RAB30: variants seen among roughly 807,000 people sequenced by gnomAD.
RAB30 encodes RAB30, member RAS oncogene family.
RAB30 carries 9 observed loss-of-function variants against 25.1 expected under a neutral mutation model. That is an observed-to-expected ratio of 0.36 (90% CI 0.22 to 0.63). The LOEUF (loss-of-function observed/expected upper bound fraction) is 0.63. Among genes scored for constraint, RAB30 ranks in the 20% least tolerant of loss-of-function variants. The pLI is 0.69. For synonymous variants in RAB30, 77 were observed against 86.4 expected, an observed-to-expected ratio of 0.89 and a Z score of 0.60; for missense variants, 140 against 243.5, an observed-to-expected ratio of 0.58 and a Z score of 2.83.
chr11:82,982,901 T>C (rs1235070230), intron 4 of RAB30, among the ~76,000 whole-genome samples: 1 of 152,144 alleles, frequency 6.6e-6, no homozygotes, highest in South Asian at 2.1e-4. Flanking sequence ...CCATTCATAA[T>C]GGCAAGAACT....
At chr11:82,991,780 G>T (rs982214579) in intron 3 of RAB30, among the ~76,000 whole-genome samples, 1 of 152,218 alleles carries the variant, frequency 6.6e-6, no homozygotes, top group African/African-American at 2.4e-5. Context: ...ACTGGGGATA[G>T]AAAGTGTGCT....
Position 83,051,366 on chromosome 11 carries a change from G to A in RAB30, c.-9+20325C>T, listed in dbSNP as rs78350286. 7.6e-3 allele frequency among the ~76,000 whole-genome samples: 1,155 copies of A among 152,224 alleles called. 22 individuals are homozygous for A. The highest frequency in any genetic ancestry group is 0.073 in the East Asian group (376 of 5,174). On this transcript the variant is annotated intron_variant, in intron 1 of 4. Coordinates refer to ENST00000527633, the MANE Select transcript of RAB30 (RefSeq NM_001286060.2). ...GAAGTTACCTGCTCTAAAACCTCCT[G>A]GTTCCGGCTGTACCTGTTCTTTTCA... is the stretch of plus-strand genomic sequence containing the variant.
At chr11:83,013,054 T>G (rs1857338561) in intron 1 of RAB30, among the ~76,000 whole-genome samples, 1 of 152,186 alleles carries the variant, frequency 6.6e-6, no homozygotes, top group South Asian at 2.1e-4. Flanking sequence ...AGTTTCTCCA[T>G]AGACACTTTT....
intron 3 of RAB30, among the ~76,000 whole-genome samples, chr11:82,990,325 A>C (rs550293597): frequency 6.6e-6 from 1 of 152,370 alleles, no homozygotes; most frequent in Non-Finnish European, 1.5e-5. Context: ...AGCACACAGC[A>C]CGTGGTAGAA....
At chr11:83,002,591 C>T (rs1857108498) in intron 1 of RAB30, among the ~76,000 whole-genome samples, 1 of 151,784 alleles carries the variant, frequency 6.6e-6, no homozygotes, top group Admixed American at 6.6e-5. Flanking sequence ...AAAAGAAAAA[C>T]AAAAACCACT....
At chr11:83,032,135 T>C (rs1015855381) in intron 1 of RAB30, among the ~76,000 whole-genome samples, 2 of 152,218 alleles carry the variant, frequency 1.3e-5, no homozygotes, top group Non-Finnish European at 2.9e-5. Context: ...TCAATAGTAG[T>C]GATCCTTATT....
intron 1 of RAB30, among the ~76,000 whole-genome samples, chr11:83,057,958 C>A (rs935695968): frequency 2.3e-4 from 35 of 152,148 alleles, no homozygotes; most frequent in African/African-American, 8.0e-4. Flanking sequence ...GGGAAGCACA[C>A]CAGGTGACAG....
chr11:83,065,900 T>A (rs924712307), intron 1 of RAB30, among the ~76,000 whole-genome samples: 1 of 152,172 alleles, frequency 6.6e-6, no homozygotes, highest in Non-Finnish European at 1.5e-5. Flanking sequence ...CAAAAATATG[T>A]GCATGTACGT....
At chr11:83,052,765 C>A (rs935750201) in intron 1 of RAB30, among the ~76,000 whole-genome samples, 2 of 152,150 alleles carry the variant, frequency 1.3e-5, no homozygotes, top group Non-Finnish European at 2.9e-5. Context: ...GAATCTGGAG[C>A]AAATGAGCTG....
chr11:83,068,710 C>T (rs1026203293), intron 1 of RAB30, among the ~76,000 whole-genome samples: 2 of 152,172 alleles, frequency 1.3e-5, no homozygotes, highest in African/African-American at 4.8e-5. Context: ...ACATGAAGTT[C>T]CCTCTGCCAG....
intron 3 of RAB30, chr11:82,992,387 G>A (rs545792158): frequency 4.1e-4 from 187 of 456,140 alleles, no homozygotes; most frequent in Admixed American, 1.2e-3. Flanking sequence ...TGCAGTATGA[G>A]CTATTTTAAG....
intron 2 of RAB30, among the ~76,000 whole-genome samples, chr11:82,994,521 A>C (rs1856920455): frequency 6.6e-6 from 1 of 152,194 alleles, no homozygotes; most frequent in Non-Finnish European, 1.5e-5. Flanking sequence ...GTCAGGGCAA[A>C]ATGGATAGGT....
At chr11:83,051,838 C>T (rs1211291961) in intron 1 of RAB30, among the ~76,000 whole-genome samples, 1 of 152,152 alleles carries the variant, frequency 6.6e-6, no homozygotes, top group African/African-American at 2.4e-5. Flanking sequence ...TCATACATAG[C>T]CAGCTCTGCT....
rs563888985 is a variant in RAB30 at position 83,067,897 on chromosome 11, G to A, written c.-9+3794C>T. Reference sequence around the variant, plus strand: ...TCCCAGCACTTTGGGAGGCTGAGGCGGGTGGACCATTTGAGGTCAGGAGTT... The same window carrying A: ...TCCCAGCACTTTGGGAGGCTGAGGCAGGTGGACCATTTGAGGTCAGGAGTT... On this transcript the variant is annotated intron_variant, in intron 1 of 4. Coordinates refer to ENST00000527633, the MANE Select transcript of RAB30 (RefSeq NM_001286060.2). 3.9e-3 allele frequency among the ~76,000 whole-genome samples: 591 copies of A among 151,930 alleles called. 2 individuals are homozygous for A. Among genetic ancestry groups the A allele is most frequent in the South Asian group, 8.5e-3 (41 of 4,806 alleles).
intron 1 of RAB30, among the ~76,000 whole-genome samples, chr11:83,019,877 C>T (rs1590857413): frequency 6.6e-6 from 1 of 152,204 alleles, no homozygotes; most frequent in East Asian, 1.9e-4. Context: ...TGACTTTGGG[C>T]AAGTCATTCC....
At chr11:83,061,861 C>CA (rs1415514381) in intron 1 of RAB30, among the ~76,000 whole-genome samples, 2 of 151,238 alleles carry the variant, frequency 1.3e-5, no homozygotes, top group Non-Finnish European at 2.9e-5. Context: ...ACTATTTTTG[C>CA]AATTGCTCTA....
At chr11:83,065,231 A>G (rs1289146922) in intron 1 of RAB30, among the ~76,000 whole-genome samples, 1 of 152,088 alleles carries the variant, frequency 6.6e-6, no homozygotes, top group African/African-American at 2.4e-5. Context: ...CTACAAAAAA[A>G]AAATTTAATT....
chr11:83,054,424 T>C (rs1858415958), intron 1 of RAB30, among the ~76,000 whole-genome samples: 1 of 152,228 alleles, frequency 6.6e-6, no homozygotes, highest in Admixed American at 6.5e-5. Flanking sequence ...GTTTGATGAA[T>C]GAATAAATTA....
Position 82,977,170 on chromosome 11 carries a change from C to T in RAB30, c.*4995G>A, listed in dbSNP as rs1213084332. On this transcript the variant is annotated 3_prime_UTR_variant, in exon 5 of 5. Transcript: ENST00000527633. ...GTTTAGCAAGTGATAAATGAATATA[C>T]TTCATGTAACTTCTACTAAAACAAT... 1.3e-5 allele frequency: 2 copies of T among 152,176 alleles called. No individual in the cohort carries two copies. Among genetic ancestry groups the T allele is most frequent in the Non-Finnish European group, 2.9e-5 (2 of 68,026 alleles). The allele number at this position is 152,176 out of a possible 1,614,324, so 9.4% of individuals were successfully genotyped here.
Sources: allele counts gnomAD v4.1 joint callset (sites outside exome capture counted in the v4.1 genomes callset), GRCh38; gene constraint gnomAD v4.1.1; transcripts MANE v1.5; gene names NCBI Gene and HGNC (gene_info 2026-07-23, HGNC 2026-07-21).